Variants in TMEM51 observed in about 807,000 individuals in gnomAD.
TMEM51 encodes transmembrane protein 51.
TMEM51 carries 8 observed loss-of-function variants against 13.6 expected under a neutral mutation model. The observed-to-expected ratio is 0.59, with a 90% CI of 0.35 to 1.07. The LOEUF is 1.07. Ranked by LOEUF, TMEM51 falls within the 50% of genes least tolerant of loss-of-function variation. TMEM51 has a pLI of 0.02. For synonymous variants in TMEM51, 147 were observed against 144.4 expected (o/e 1.02, Z -0.13); for missense variants, 279 against 330.7 (o/e 0.84, Z 1.21).
chr1:15,165,802 A>C (rs1485335413), intron 1 of TMEM51, among the ~76,000 whole-genome samples: 2 of 152,224 alleles, frequency 1.3e-5, no homozygotes, highest in Non-Finnish European at 2.9e-5. Context: ...GTATTGATGA[A>C]TACTGATGAT....
At chr1:15,167,213 G>A (rs927996107) in intron 1 of TMEM51, among the ~76,000 whole-genome samples, 1 of 151,070 alleles carries the variant, frequency 6.6e-6, no homozygotes, top group African/African-American at 2.4e-5. Context: ...TGTAGTCCCA[G>A]CTACTCGGGA....
chr1:15,171,301 C>A (rs1447722194), intron 1 of TMEM51: 5 of 1,303,980 alleles, frequency 3.8e-6, no homozygotes, highest in African/African-American at 3.0e-5. Context: ...ATGAGAGAAG[C>A]CAAACTTCTA....
chr1:15,206,641 G>C lies in TMEM51; in HGVS notation c.-266-3849G>C, dbSNP rs868867559. Among the ~76,000 whole-genome samples, 19 of 152,186 alleles carry C rather than the reference G, an allele frequency of 1.2e-4. 1 individual carries two copies. Reference sequence around the variant, plus strand: ...TCCTTGAAGGGTGGCCGTGAGGATCGGGTGAGTTTAGGAATGCACCTGATT... The same window carrying C: ...TCCTTGAAGGGTGGCCGTGAGGATCCGGTGAGTTTAGGAATGCACCTGATT... On this transcript the variant is annotated intron_variant, in intron 1 of 3. Transcript: ENST00000376008.
intron 1 of TMEM51, among the ~76,000 whole-genome samples, chr1:15,209,235 CATTATTATT>C (rs57675605): frequency 8.8e-5 from 13 of 147,972 alleles, no homozygotes; most frequent in Admixed American, 1.3e-4. Context: ...ACACTGGGCT[CATTATTATT>C]ATTATTATTA....
At position 15,207,051 on chromosome 1, in the gene TMEM51, T is replaced by C. The variant is rs527602380; in HGVS notation, c.-266-3439T>C. On this transcript the variant is annotated intron_variant, in intron 1 of 3. Transcript: ENST00000376008. This position sits in a 1 kb window ranked among gnomAD's most constrained non-coding sequence, Gnocchi z 4.6. ...AATTGTGACAAAAGTGATTGTGGGC[T>C]GAAACTTGGCAGAGAGAGCCCCACT... Among the ~76,000 whole-genome samples the C allele has an allele frequency of 2.0e-5, 3 of 152,338 alleles. No homozygotes were observed. The highest frequency in any genetic ancestry group is 4.1e-4 in the South Asian group (2 of 4,824).
At chr1:15,184,845 G>T (rs1643722978) in intron 1 of TMEM51, among the ~76,000 whole-genome samples, 2 of 38,184 alleles carry the variant, frequency 5.2e-5, no homozygotes, top group African/African-American at 1.8e-4. Context: ...AATGTCTAGA[G>T]ACATTTTTGG....
chr1:15,179,173 T>G (rs1458215811), intron 1 of TMEM51, among the ~76,000 whole-genome samples: 2 of 152,084 alleles, frequency 1.3e-5, no homozygotes, highest in African/African-American at 4.8e-5. Context: ...GACAGGTGAT[T>G]AAAATTAGCA....
intron 1 of TMEM51, among the ~76,000 whole-genome samples, chr1:15,182,880 A>G (rs1209814818): frequency 6.6e-6 from 1 of 152,170 alleles, no homozygotes; most frequent in African/African-American, 2.4e-5. Context: ...CTCCTACCAC[A>G]GCCTCCATAG....
rs74817457 is a variant in TMEM51 at position 15,213,119 on chromosome 1, C to T, written c.-193-1776C>T. Among the ~76,000 whole-genome samples the T allele has an allele frequency of 2.8e-3, 421 of 152,318 alleles. 11 individuals are homozygous for T. In the South Asian group the frequency reaches 0.038, roughly 14 times the overall value. ...CTTCCTTCTTACTTTATTGGTATTC[C>T]CTATAGATCATTTTCCTGCTGGCCT... On this transcript the variant is annotated intron_variant, in intron 2 of 3. Coordinates refer to ENST00000376008, the MANE Select transcript of TMEM51 (RefSeq NM_001136218.2).
chr1:15,164,118 C>T (rs140227477), intron 1 of TMEM51, among the ~76,000 whole-genome samples: 1 of 152,204 alleles, frequency 6.6e-6, no homozygotes, highest in African/African-American at 2.4e-5. Flanking sequence ...GCGTGAGCCA[C>T]CATGCCCGGC....
chr1:15,199,490 C>A (rs1245021343), intron 1 of TMEM51, among the ~76,000 whole-genome samples: 1 of 152,158 alleles, frequency 6.6e-6, no homozygotes, highest in Non-Finnish European at 1.5e-5. Flanking sequence ...GTGGGCTAGC[C>A]ACGGGTTGGG....
At chr1:15,170,436 G>A (rs1240320301) in intron 1 of TMEM51, among the ~76,000 whole-genome samples, 1 of 151,054 alleles carries the variant, frequency 6.6e-6, no homozygotes, top group Non-Finnish European at 1.5e-5. Context: ...AGCCTCCTGA[G>A]TAGCTGGGAT....
At position 15,214,062 on chromosome 1, in the gene TMEM51, A is replaced by G. The variant is rs1428092834; in HGVS notation, c.-193-833A>G. Among the ~76,000 whole-genome samples, 3 of 141,398 alleles carry G rather than the reference A, an allele frequency of 2.1e-5. 1 individual carries two copies. In the Admixed American group the frequency reaches 2.3e-4, roughly 11 times the overall value. 92.8% of individuals were successfully genotyped at this position (141,398 alleles called of 152,430 possible). A position where few individuals can be genotyped will look rare whatever the true frequency, so the allele number is the denominator to read the frequency against. On this transcript the variant is annotated intron_variant, in intron 2 of 3. Transcript: ENST00000376008. ...GAGACGGGGTTTTACCATGTTGGCC[A>G]GGATGGTCTTGATCTCTTGACCTCG...
At chr1:15,197,810 C>T (rs569439840) in intron 1 of TMEM51, among the ~76,000 whole-genome samples, 45 of 152,128 alleles carry the variant, frequency 3.0e-4, no homozygotes, top group Non-Finnish European at 5.6e-4. Flanking sequence ...TCCCTGATCT[C>T]GCTGTGTCTG....
chr1:15,153,389 TCA>T (rs962176953), upstream of TMEM51, among the ~76,000 whole-genome samples: 4 of 152,062 alleles, frequency 2.6e-5, no homozygotes, highest in African/African-American at 7.2e-5. Context: ...CCACCACCCG[TCA>T]CACACACGCG....
At chr1:15,179,326 A>G (rs1477096433) in intron 1 of TMEM51, among the ~76,000 whole-genome samples, 1 of 152,178 alleles carries the variant, frequency 6.6e-6, no homozygotes, top group Non-Finnish European at 1.5e-5. Flanking sequence ...TGGAGGAAAC[A>G]TCCCAGCTGT....
In TMEM51 at chr1:15,214,925, G is replaced by A. The variant is rs1201446185; in HGVS notation, c.-163G>A. 7 of 673,322 alleles carry A rather than the reference G, an allele frequency of 1.0e-5. No homozygotes were observed. The South Asian group carries it at 1.4e-4, about 14-fold the overall frequency. 41.7% of individuals were successfully genotyped at this position (673,322 alleles called of 1,614,324 possible). ...TCCACCGCAGCCATCCGCACGGGAG[G>A]CCTCGCGATTGCTCGGAACCATCCC... On this transcript the variant is annotated 5_prime_UTR_variant, in exon 3 of 4. Transcript: ENST00000376008.
At chr1:15,205,986 C>A (rs1044277620) in intron 1 of TMEM51, among the ~76,000 whole-genome samples, 2 of 152,130 alleles carry the variant, frequency 1.3e-5, no homozygotes, top group Non-Finnish European at 2.9e-5. Context: ...CTGGTAATCC[C>A]AGCACTTTGG....
intron 1 of TMEM51, among the ~76,000 whole-genome samples, chr1:15,182,332 C>T (rs545251422): frequency 6.6e-6 from 1 of 152,310 alleles, no homozygotes; most frequent in African/African-American, 2.4e-5. Context: ...GAGCCTCAGT[C>T]TCCTCATCTG....
Sources: gnomAD v4.1 joint callset for allele counts (sites outside exome capture counted in the v4.1 genomes callset) on GRCh38, gnomAD v4.1.1 for gene constraint, Gnocchi (gnomAD v3.1) non-coding constraint, MANE v1.5 for transcripts, NCBI Gene and HGNC (gene_info 2026-07-23, HGNC 2026-07-21) for gene names.